Variants in TNR observed in about 807,000 individuals in gnomAD.
TNR encodes the protein tenascin R.
TNR carries 45 observed loss-of-function variants against 150.4 expected under a neutral mutation model. That is an observed-to-expected ratio of 0.30 (90% CI 0.24 to 0.38). TNR has a LOEUF of 0.38. TNR is among the 10% of genes least tolerant of loss of function. The probability of loss-of-function intolerance (pLI) is 1.00; values close to 1 mark genes in which losing one functional copy is unlikely to be tolerated. For missense variants in TNR, 1,544 were observed against 1,759.1 expected, an observed-to-expected ratio of 0.88 and a Z score of 2.19; for synonymous variants, 687 against 678.4, an observed-to-expected ratio of 1.01 and a Z score of -0.20.
chr1:175,338,763 G>A (rs1650368636), intron 18 of TNR, among the ~76,000 whole-genome samples: 1 of 152,164 alleles, frequency 6.6e-6, no homozygotes, highest in Non-Finnish European at 1.5e-5. Context: ...CCTACCCAAG[G>A]ATGGCAACAT....
chr1:175,702,202 C>T lies in TNR; in HGVS notation c.-165+41024G>A, dbSNP rs565393658. ...GCTAAATGACCACACACTGGGACCC[C>T]GCTCTGCAATTTAGGAGCCTGCACT... On this transcript the variant is annotated intron_variant, in intron 1 of 22. Coordinates refer to ENST00000367674, the MANE Select transcript of TNR (RefSeq NM_003285.3). 2.6e-5 allele frequency among the ~76,000 whole-genome samples: 4 copies of T among 152,238 alleles called. No homozygotes were observed. In the South Asian group the frequency reaches 6.2e-4, roughly 24 times the overall value.
chr1:175,431,976 A>G (rs1442610681), intron 2 of TNR, among the ~76,000 whole-genome samples: 3 of 114,656 alleles, frequency 2.6e-5, no homozygotes, highest in Non-Finnish European at 5.3e-5. Context: ...AAGAACACCA[A>G]TGTATCTTCT....
chr1:175,673,780 G>T (rs970278682), intron 1 of TNR, among the ~76,000 whole-genome samples: 3 of 152,236 alleles, frequency 2.0e-5, no homozygotes, highest in Non-Finnish European at 4.4e-5. Flanking sequence ...AACTGAGAGT[G>T]CAGGGCATTT....
chr1:175,523,140 C>G (rs1210913361), intron 2 of TNR, among the ~76,000 whole-genome samples: 1 of 152,324 alleles, frequency 6.6e-6, no homozygotes, highest in Non-Finnish European at 1.5e-5. Flanking sequence ...CTGTTCTCTC[C>G]TTTCAACCAC....
intron 1 of TNR, among the ~76,000 whole-genome samples, chr1:175,665,131 T>C (rs1665497980): frequency 6.6e-6 from 1 of 152,220 alleles, no homozygotes; most frequent in Non-Finnish European, 1.5e-5. Flanking sequence ...TGATTTGAAA[T>C]GAAGAAATAA....
chr1:175,559,641 G>T (rs10913004), intron 1 of TNR, among the ~76,000 whole-genome samples: 16,239 of 152,010 alleles, frequency 0.11, 1,655 homozygotes, highest in African/African-American at 0.27. Flanking sequence ...CATATTGTAG[G>T]TATTCTTACT....
intron 1 of TNR, among the ~76,000 whole-genome samples, chr1:175,654,381 T>C (rs1353884317): frequency 6.6e-6 from 1 of 152,204 alleles, no homozygotes; most frequent in Non-Finnish European, 1.5e-5. Flanking sequence ...CCCTTCATCT[T>C]GGAAAGAAGG....
At chr1:175,714,756 G>A (rs1432767858) in intron 1 of TNR, among the ~76,000 whole-genome samples, 2 of 152,206 alleles carry the variant, frequency 1.3e-5, no homozygotes, top group Admixed American at 6.5e-5. Flanking sequence ...CTCTGCCTGA[G>A]CCAGGAGCCA....
chr1:175,543,927 A>G (rs959972706), intron 1 of TNR, among the ~76,000 whole-genome samples: 1 of 152,158 alleles, frequency 6.6e-6, no homozygotes, highest in East Asian at 1.9e-4. Flanking sequence ...AAAAAAGAGC[A>G]TTTGGGCAGA....
intron 1 of TNR, among the ~76,000 whole-genome samples, chr1:175,580,585 CCTT>C (rs577125392): frequency 1.3e-5 from 2 of 152,204 alleles, no homozygotes; most frequent in Non-Finnish European, 2.9e-5. Context: ...ATAAACCCTC[CCTT>C]CTTCTGCAAC....
chr1:175,371,854 C>A (rs1266304389), intron 9 of TNR, among the ~76,000 whole-genome samples: 1 of 152,146 alleles, frequency 6.6e-6, no homozygotes, highest in Non-Finnish European at 1.5e-5. Flanking sequence ...GTCTTACAGG[C>A]CAGGAGGAAG....
chr1:175,642,315 A>T (rs1664689967), intron 1 of TNR, among the ~76,000 whole-genome samples: 1 of 152,216 alleles, frequency 6.6e-6, no homozygotes, highest in Non-Finnish European at 1.5e-5. Context: ...AGGAAATAGC[A>T]TATGCAAAAG....
intron 1 of TNR, among the ~76,000 whole-genome samples, chr1:175,693,063 G>A (rs558541312): frequency 3.9e-5 from 6 of 152,200 alleles, no homozygotes; most frequent in Admixed American, 2.6e-4. Context: ...CAAGTGACAG[G>A]ACACAGACAA....
chr1:175,572,580 G>T (rs1186256362), intron 1 of TNR, among the ~76,000 whole-genome samples: 1 of 151,936 alleles, frequency 6.6e-6, no homozygotes, highest in Admixed American at 6.6e-5. Context: ...ATCCATCTGT[G>T]GTGTTTGTGT....
chr1:175,475,642 T>C (rs537170923), intron 2 of TNR, among the ~76,000 whole-genome samples: 1 of 152,362 alleles, frequency 6.6e-6, no homozygotes, highest in Admixed American at 6.5e-5. Context: ...TGAAATACTC[T>C]TTTCCTTCTT....
intron 1 of TNR, among the ~76,000 whole-genome samples, chr1:175,637,165 C>A (rs1212787621): frequency 6.6e-6 from 1 of 152,190 alleles, no homozygotes. Flanking sequence ...CAAGACAGCT[C>A]TCTGGGCTTG....
chr1:175,403,982 G>A (rs1470896516), intron 3 of TNR, among the ~76,000 whole-genome samples: 1 of 152,158 alleles, frequency 6.6e-6, no homozygotes, highest in Non-Finnish European at 1.5e-5. Flanking sequence ...GGAAAGTTGG[G>A]AAGGGAACGT....
intron 2 of TNR, among the ~76,000 whole-genome samples, chr1:175,463,679 C>T (rs548915229): frequency 6.6e-6 from 1 of 152,294 alleles, no homozygotes; most frequent in African/African-American, 2.4e-5. Context: ...CAGAATTGTG[C>T]CATATGCCCA....
chr1:175,639,475 C>G (rs1419454659), intron 1 of TNR, among the ~76,000 whole-genome samples: 3 of 152,208 alleles, frequency 2.0e-5, no homozygotes, highest in African/African-American at 2.4e-5. Context: ...TGCCCTCTTG[C>G]AGTGTTCTTC....
Sources: gnomAD v4.1 joint callset for allele counts (sites outside exome capture counted in the v4.1 genomes callset) on GRCh38, gnomAD v4.1.1 for gene constraint, MANE v1.5 for transcripts, NCBI Gene and HGNC (gene_info 2026-07-23, HGNC 2026-07-21) for gene names.